GNG2: variants seen among roughly 807,000 people sequenced by gnomAD.
The protein encoded by GNG2 is guanine nucleotide-binding protein G(I)/G(S)/G(O) subunit gamma-2.
In GNG2, 5 loss-of-function variants were observed where a neutral mutation model predicts 5.5. The ratio of observed to expected loss-of-function variants is 0.91; its 90% CI spans 0.48 to 1.92. The LOEUF is 1.92. Among genes scored for constraint, GNG2 ranks in the 30% most tolerant of loss-of-function variants. GNG2 has a pLI of 0.01. For missense variants in GNG2, 55 were observed against 88.4 expected, an observed-to-expected ratio of 0.62 and a Z score of 1.52; for synonymous variants, 28 against 32.0, an observed-to-expected ratio of 0.88 and a Z score of 0.42.
chr14:51,897,219 A>G (rs117311385), intron 2 of GNG2, among the ~76,000 whole-genome samples: 2,407 of 152,346 alleles, frequency 0.016, 35 homozygotes, highest in Non-Finnish European at 0.025. Flanking sequence ...CTTTGTTAGC[A>G]CTAACTAGAG....
chr14:51,950,374 G>A (rs1321742762), intron 2 of GNG2, among the ~76,000 whole-genome samples: 2 of 152,212 alleles, frequency 1.3e-5, no homozygotes, highest in Non-Finnish European at 2.9e-5. Context: ...GAAGGATGGG[G>A]TTTGAGCCCA....
At chr14:51,880,981 A>C (rs1884027417) in intron 2 of GNG2, among the ~76,000 whole-genome samples, 1 of 151,074 alleles carries the variant, frequency 6.6e-6, no homozygotes, top group Non-Finnish European at 1.5e-5. Flanking sequence ...AAAAAAAAAA[A>C]AAAAAAACCC....
In GNG2 at chr14:51,920,906, G is replaced by T. The variant is rs1009072964; in HGVS notation, c.-29-29744G>T. ...GGAGAACCTGAGTTCTTTGGGTGGG[G>T]TGAAGGGTGTGGTGTTTACACATTT... On this transcript the variant is annotated intron_variant, in intron 2 of 3. Transcript: ENST00000556766. Among the ~76,000 whole-genome samples the T allele has an allele frequency of 2.0e-5, 3 of 152,184 alleles. No homozygotes were observed. In the East Asian group the frequency reaches 5.8e-4, roughly 29 times the overall value.
chr14:51,861,861 T>C (rs1301530331), intron 1 of GNG2, among the ~76,000 whole-genome samples: 1 of 152,228 alleles, frequency 6.6e-6, no homozygotes, highest in Non-Finnish European at 1.5e-5. Flanking sequence ...AGTTAAGCAG[T>C]AAGTAGTCAT....
rs140275736 is a variant in GNG2, at chr14:51,927,738, G to T, written c.-29-22912G>T. Among the ~76,000 whole-genome samples the T allele has an allele frequency of 2.6e-5, 4 of 152,352 alleles. No homozygotes were observed. In the East Asian group the frequency reaches 7.7e-4, roughly 29 times the overall value. ...TTTGAAAAGAAAGTAGGCCCAGAGG[G>T]CTGGCAGGATTTCTGTTCAATTGCC... On this transcript the variant is annotated intron_variant, in intron 2 of 3. Coordinates refer to ENST00000556766, the MANE Select transcript of GNG2 (RefSeq NM_053064.5).
chr14:51,916,249 G>C, intron 2 of GNG2: 1 of 265,726 alleles, frequency 3.8e-6, no homozygotes, highest in Non-Finnish European at 7.4e-6. Flanking sequence ...TAGACAGAGA[G>C]CCATATTTTA....
intron 3 of GNG2, among the ~76,000 whole-genome samples, chr14:51,958,066 T>G (rs1185948535): frequency 6.6e-6 from 1 of 152,218 alleles, no homozygotes; most frequent in African/African-American, 2.4e-5. Flanking sequence ...ATTTGGAATT[T>G]GGGAAGGAAT....
At chr14:51,866,345 A>G (rs1004555092) in intron 1 of GNG2, among the ~76,000 whole-genome samples, 1 of 151,320 alleles carries the variant, frequency 6.6e-6, no homozygotes, top group Non-Finnish European at 1.5e-5. Context: ...TTCACTTTTC[A>G]CTCTGTCCTG....
intron 2 of GNG2, among the ~76,000 whole-genome samples, chr14:51,923,110 G>C (rs1213412357): frequency 4.6e-5 from 7 of 152,172 alleles, no homozygotes; most frequent in Non-Finnish European, 8.8e-5. Context: ...ACTGAGCAGA[G>C]AAAATAGGCA....
At position 51,885,574 on chromosome 14, in the gene GNG2, C is replaced by G. The variant is rs559346914; in HGVS notation, c.-30+7917C>G. 1.2e-4 allele frequency among the ~76,000 whole-genome samples: 18 copies of G among 150,924 alleles called. No individual in the cohort carries two copies. In the East Asian group the frequency reaches 3.3e-3, roughly 28 times the overall value. On this transcript the variant is annotated intron_variant, in intron 2 of 3. Transcript: ENST00000556766. Reference sequence around the variant, plus strand: ...ATTCAGTGGGTTTCTGTTTTCTATCCCCTGCCGTATTCTATAACACACACA... The same window carrying G: ...ATTCAGTGGGTTTCTGTTTTCTATCGCCTGCCGTATTCTATAACACACACA...
chr14:51,826,315 T>TA (rs1315500727), intron 1 of GNG2: 2 of 151,882 alleles, frequency 1.3e-5, no homozygotes, highest in African/African-American at 4.9e-5. Flanking sequence ...ATTTTAAAAA[T>TA]ACAAATTTTG....
intron 2 of GNG2, among the ~76,000 whole-genome samples, chr14:51,880,974 A>AAAG (rs1477137215): frequency 6.0e-5 from 9 of 150,190 alleles, no homozygotes; most frequent in African/African-American, 2.2e-4. Flanking sequence ...AAAGAAAAAA[A>AAAG]AAAAAAAAAA....
At chr14:51,919,172 A>C (rs1490871286) in intron 2 of GNG2, among the ~76,000 whole-genome samples, 3 of 142,618 alleles carry the variant, frequency 2.1e-5, no homozygotes, top group Non-Finnish European at 4.5e-5. Context: ...TTTTACTCTA[A>C]ATTTTATAAC....
At chr14:51,925,011 TCA>T (rs933637233) in intron 2 of GNG2, among the ~76,000 whole-genome samples, 1 of 152,170 alleles carries the variant, frequency 6.6e-6, no homozygotes, top group Non-Finnish European at 1.5e-5. Flanking sequence ...GGATTCAAAA[TCA>T]CAGCTACATA....
intron 2 of GNG2, among the ~76,000 whole-genome samples, chr14:51,849,656 G>A (rs1432253576): frequency 6.6e-6 from 1 of 152,112 alleles, no homozygotes; most frequent in Non-Finnish European, 1.5e-5. Flanking sequence ...ATTTGTTAAT[G>A]ATTTTATTTT....
At chr14:51,829,633 T>C (rs1881127070) in intron 2 of GNG2, among the ~76,000 whole-genome samples, 1 of 152,022 alleles carries the variant, frequency 6.6e-6, no homozygotes, top group Non-Finnish European at 1.5e-5. Context: ...TCTTTTAGAG[T>C]AAATCCCTTA....
chr14:51,893,091 A>G (rs565701181), intron 2 of GNG2, among the ~76,000 whole-genome samples: 2 of 152,174 alleles, frequency 1.3e-5, no homozygotes, highest in African/African-American at 4.8e-5. Flanking sequence ...CTTCTAACTA[A>G]CCTGTCATAC....
intron 1 of GNG2, among the ~76,000 whole-genome samples, chr14:51,877,167 C>T (rs1461375425): frequency 6.6e-6 from 1 of 152,334 alleles, no homozygotes; most frequent in Admixed American, 6.5e-5. Flanking sequence ...TACACACAAA[C>T]TGTATGCACT....
intron 3 of GNG2, among the ~76,000 whole-genome samples, chr14:51,955,227 C>T (rs901604287): frequency 2.6e-5 from 4 of 152,098 alleles, no homozygotes; most frequent in Non-Finnish European, 5.9e-5. Flanking sequence ...TTCCTTTTAT[C>T]GTTCTAAAAG....
Sources: gnomAD v4.1 joint callset for allele counts (sites outside exome capture counted in the v4.1 genomes callset) on GRCh38, gnomAD v4.1.1 for gene constraint, MANE v1.5 for transcripts, NCBI Gene and HGNC (gene_info 2026-07-23, HGNC 2026-07-21) for gene names.